Variants in PLCL1 observed in about 807,000 individuals in gnomAD.
PLCL1 encodes phospholipase C like 1 (inactive).
Under a neutral mutation model 84.4 loss-of-function variants are expected in PLCL1, and 41 were observed. The ratio of observed to expected loss-of-function variants is 0.49; its 90% CI spans 0.38 to 0.63. PLCL1 has a LOEUF of 0.63. PLCL1 is among the 30% of genes least tolerant of loss of function. The probability of loss-of-function intolerance (pLI) is 0.00; values close to 1 mark genes in which losing one functional copy is unlikely to be tolerated. For synonymous variants in PLCL1, 490 were observed against 488.3 expected (o/e 1.00, Z -0.05); for missense variants, 1,206 against 1,367.8 (o/e 0.88, Z 1.87).
At chr2:198,003,798 A>G (rs1385972890) in intron 1 of PLCL1, among the ~76,000 whole-genome samples, 1 of 152,196 alleles carries the variant, frequency 6.6e-6, no homozygotes, top group Non-Finnish European at 1.5e-5. Flanking sequence ...TTTTCATAAA[A>G]CTTCTGAGCT....
At chr2:197,841,451 G>A (rs1687001141) in intron 1 of PLCL1, among the ~76,000 whole-genome samples, 1 of 152,150 alleles carries the variant, frequency 6.6e-6, no homozygotes, top group Non-Finnish European at 1.5e-5. Context: ...ATGTCATATA[G>A]TTGGACTCAA....
chr2:197,851,684 C>G (rs1687241517), intron 1 of PLCL1, among the ~76,000 whole-genome samples: 2 of 152,172 alleles, frequency 1.3e-5, no homozygotes, highest in Admixed American at 1.3e-4. Flanking sequence ...CCAGGGGGAG[C>G]AATTTCACTT....
At chr2:197,832,455 G>C (rs546252327) in intron 1 of PLCL1, among the ~76,000 whole-genome samples, 44 of 152,228 alleles carry the variant, frequency 2.9e-4, no homozygotes, top group Admixed American at 5.2e-4. Flanking sequence ...ACTAAACCAG[G>C]AAGAAGTCAA....
intron 1 of PLCL1, among the ~76,000 whole-genome samples, chr2:198,039,512 G>A (rs1691612985): frequency 6.6e-6 from 1 of 152,108 alleles, no homozygotes; most frequent in Non-Finnish European, 1.5e-5. Context: ...TGTGTATACT[G>A]TGTTTTTTAT....
chr2:197,871,220 A>G (rs1331765849), intron 1 of PLCL1, among the ~76,000 whole-genome samples: 1 of 152,086 alleles, frequency 6.6e-6, no homozygotes, highest in Non-Finnish European at 1.5e-5. Flanking sequence ...GGGCCTGTAC[A>G]GTTGCAGACA....
chr2:197,823,706 G>C (rs913431755), intron 1 of PLCL1, among the ~76,000 whole-genome samples: 4 of 152,036 alleles, frequency 2.6e-5, no homozygotes, highest in African/African-American at 7.2e-5. Flanking sequence ...CAGTGTCTCT[G>C]TTCATATTGG....
At chr2:198,121,315 TTGA>T (rs1431673408) in intron 5 of PLCL1, among the ~76,000 whole-genome samples, 1 of 152,094 alleles carries the variant, frequency 6.6e-6, no homozygotes, top group Non-Finnish European at 1.5e-5. Flanking sequence ...ACTTTTTAAC[TTGA>T]TGTGATTTCA....
intron 1 of PLCL1, among the ~76,000 whole-genome samples, chr2:197,896,458 C>T (rs773785136): frequency 6.6e-6 from 1 of 151,984 alleles, no homozygotes; most frequent in Non-Finnish European, 1.5e-5. Flanking sequence ...CCTCTTTCCA[C>T]TCTCTTCTTT....
intron 1 of PLCL1, among the ~76,000 whole-genome samples, chr2:198,060,599 A>T (rs1207967693): frequency 6.6e-6 from 1 of 152,194 alleles, no homozygotes; most frequent in East Asian, 1.9e-4. Flanking sequence ...GCATTGACAC[A>T]CATGTACATG....
intron 1 of PLCL1, among the ~76,000 whole-genome samples, chr2:197,855,551 C>T (rs1034308802): frequency 2.0e-5 from 3 of 152,134 alleles, no homozygotes; most frequent in East Asian, 1.9e-4. Context: ...GTCCTGGGCT[C>T]CTGCTTGGAT....
intron 1 of PLCL1, among the ~76,000 whole-genome samples, chr2:198,067,276 C>T (rs1692345846): frequency 6.6e-6 from 1 of 151,764 alleles, no homozygotes; most frequent in Admixed American, 6.6e-5. Flanking sequence ...TATAAGTGTG[C>T]ACCACCACAC....
At chr2:197,836,874 G>T (rs1270348973) in intron 1 of PLCL1, among the ~76,000 whole-genome samples, 1 of 152,010 alleles carries the variant, frequency 6.6e-6, no homozygotes, top group Non-Finnish European at 1.5e-5. Flanking sequence ...TTTTAAAGTT[G>T]TTTTTGTTGA....
chr2:197,805,070 TC>T lies in PLCL1; in HGVS notation c.-25del, dbSNP rs1441750478. 2.0e-5 allele frequency: 29 copies of T among 1,421,472 alleles called. No individual in the cohort carries two copies. Among genetic ancestry groups the T allele is most frequent in the Admixed American group, 5.7e-5 (2 of 34,874 alleles). 88.1% of individuals were successfully genotyped at this position (1,421,472 alleles called of 1,614,324 possible). ...GACTCCGCTGCCGGGCGTCCCGCTT[TC>T]CCCCGGGGAGCCCTAAACGCTCCAG... On this transcript the variant is annotated 5_prime_UTR_variant, in exon 1 of 6. Transcript: ENST00000428675. The surrounding 1 kb of genome is among the most constrained non-coding windows in gnomAD (Gnocchi z 4.0).
chr2:197,980,756 CT>C, intron 1 of PLCL1, among the ~76,000 whole-genome samples: 1 of 152,110 alleles, frequency 6.6e-6, no homozygotes, highest in Non-Finnish European at 1.5e-5. Context: ...ATAGCTAATA[CT>C]ATGGAGTTCT....
intron 5 of PLCL1, among the ~76,000 whole-genome samples, chr2:198,124,048 C>T (rs559710828): frequency 5.1e-4 from 77 of 152,182 alleles, no homozygotes; most frequent in Non-Finnish European, 8.7e-4. Context: ...AGAAAGCTAA[C>T]GTTTGAGTTT....
At chr2:198,136,127 A>C (rs1259589401) in intron 5 of PLCL1, among the ~76,000 whole-genome samples, 1 of 152,066 alleles carries the variant, frequency 6.6e-6, no homozygotes, top group Admixed American at 6.6e-5. Context: ...AAGTTTCAAG[A>C]TGTTTTTGTT....
chr2:197,834,219 A>G (rs996066969), intron 1 of PLCL1, among the ~76,000 whole-genome samples: 1 of 152,200 alleles, frequency 6.6e-6, no homozygotes, highest in Non-Finnish European at 1.5e-5. Context: ...AACCTAGGCA[A>G]TACCATTTAG....
chr2:197,832,988 G>C (rs1303893695), intron 1 of PLCL1, among the ~76,000 whole-genome samples: 1 of 152,216 alleles, frequency 6.6e-6, no homozygotes, highest in Admixed American at 6.5e-5. Flanking sequence ...CCAGCACTTT[G>C]GGAGGCCAAG....
chr2:197,900,664 T>A (rs1446860639), intron 1 of PLCL1, among the ~76,000 whole-genome samples: 1 of 152,252 alleles, frequency 6.6e-6, no homozygotes, highest in East Asian at 1.9e-4. Context: ...TTTTTATTAC[T>A]ACCTCTTAGT....
Sources: gnomAD v4.1 joint callset for allele counts (sites outside exome capture counted in the v4.1 genomes callset) on GRCh38, gnomAD v4.1.1 for gene constraint, Gnocchi (gnomAD v3.1) non-coding constraint, MANE v1.5 for transcripts, NCBI Gene and HGNC (gene_info 2026-07-23, HGNC 2026-07-21) for gene names.